The following TCTN2 variants were observed in gnomAD, a reference collection of about 807,000 sequenced individuals.
TCTN2 encodes tectonic family member 2, also known as tectonic-2.
In TCTN2, 66 loss-of-function variants were observed where a neutral mutation model predicts 83.4. The observed-to-expected ratio is 0.79, with a 90% CI of 0.65 to 0.97. The LOEUF (loss-of-function observed/expected upper bound fraction) is 0.97. Ranked by LOEUF, TCTN2 falls within the 50% of genes least tolerant of loss-of-function variation. TCTN2 has a pLI of 0.00. For synonymous variants in TCTN2, 301 were observed against 326.7 expected (o/e 0.92, Z 0.85); for missense variants, 794 against 858.1 (o/e 0.93, Z 0.93).
At chr12:123,706,252 A>C (rs948359040) in intron 15 of TCTN2, among the ~76,000 whole-genome samples, 2 of 152,204 alleles carry the variant, frequency 1.3e-5, no homozygotes, top group Non-Finnish European at 2.9e-5. Flanking sequence ...TGGCTCTGCA[A>C]GGGAAAATGG....
chr12:123,680,543 G>A (rs1161547497), intron 5 of TCTN2, among the ~76,000 whole-genome samples: 2 of 145,260 alleles, frequency 1.4e-5, no homozygotes, highest in Non-Finnish European at 3.0e-5. Flanking sequence ...TTGAGACAGA[G>A]TCTCGCTTTG....
intron 5 of TCTN2, among the ~76,000 whole-genome samples, chr12:123,684,002 AC>A: frequency 6.6e-6 from 1 of 152,248 alleles, no homozygotes; most frequent in African/African-American, 2.4e-5. Context: ...ATTTACTGGT[AC>A]CCAAGTCCCA....
chr12:123,697,665 A>AT (rs1169509703), intron 13 of TCTN2, among the ~76,000 whole-genome samples: 17 of 151,382 alleles, frequency 1.1e-4, no homozygotes, highest in East Asian at 3.9e-4. Flanking sequence ...ACGCCTGCTG[A>AT]TTTTTTTTGT....
At position 123,688,199 on chromosome 12, in the gene TCTN2, T is replaced by C. The variant is rs7302449; in HGVS notation, c.891+22T>C. 0.45 allele frequency: 711,800 copies of C among 1,590,942 alleles called. 168,201 individuals are homozygous for C. Among genetic ancestry groups the C allele is most frequent in the African/African-American group, 0.73 (53,736 of 73,870 alleles). ...GCAGGTAATCGTTGCAATATTAGTA[T>C]GCTAGACCGTTCTCTTTTTTTTTTT... is the stretch of plus-strand genomic sequence containing the variant. On this transcript the variant is annotated intron_variant, in intron 7 of 17. Transcript: ENST00000303372.
chr12:123,694,273 G>A (rs113350030), intron 9 of TCTN2, among the ~76,000 whole-genome samples: 1,691 of 152,206 alleles, frequency 0.011, 14 homozygotes, highest in South Asian at 0.031. Context: ...GATTACAGGC[G>A]TGAGCCACCG....
chr12:123,693,666 C>A (rs1347570175), intron 9 of TCTN2, among the ~76,000 whole-genome samples: 2 of 151,520 alleles, frequency 1.3e-5, no homozygotes, highest in Admixed American at 6.6e-5. Context: ...GTTGGCCAGG[C>A]TGGTTTCGAA....
intron 9 of TCTN2, 148 bp downstream of exon 9, chr12:123,692,871 G>C: frequency 2.7e-6 from 2 of 735,020 alleles, no homozygotes; most frequent in Non-Finnish European, 4.7e-6. Flanking sequence ...CATTTCATTT[G>C]TTCCTCGTTC....
chr12:123,682,846 A>G (rs1379602511), intron 5 of TCTN2, among the ~76,000 whole-genome samples: 1 of 151,418 alleles, frequency 6.6e-6, no homozygotes, highest in Non-Finnish European at 1.5e-5. Context: ...ATGAAGTCCA[A>G]TTTATCTCAT....
chr12:123,689,230 T>C (rs1956013384), intron 7 of TCTN2, among the ~76,000 whole-genome samples: 1 of 151,968 alleles, frequency 6.6e-6, no homozygotes, highest in African/African-American at 2.4e-5. Flanking sequence ...CCTGGCTAAT[T>C]TTTTGTAGAG....
chr12:123,707,892 T>C lies in TCTN2; in HGVS notation c.*179T>C. ...CGCCCGGCTAATTTTGTATTTTTAG[T>C]AGAGACAGGGTTCCACCGTATTGGC... On this transcript the variant is annotated 3_prime_UTR_variant, in exon 18 of 18. Coordinates refer to ENST00000303372, the MANE Select transcript of TCTN2 (RefSeq NM_024809.5). The C allele has an allele frequency of 1.6e-6, 1 of 625,574 alleles. No homozygotes were observed. 38.8% of individuals were successfully genotyped at this position (625,574 alleles called of 1,614,324 possible).
chr12:123,685,652 T>C (rs956569101), intron 5 of TCTN2, among the ~76,000 whole-genome samples: 1 of 151,306 alleles, frequency 6.6e-6, no homozygotes, highest in Non-Finnish European at 1.5e-5. Context: ...CTCCTGACCT[T>C]AGGTGATCCG....
chr12:123,686,842 T>G lies in TCTN2; in HGVS notation c.571T>G (p.Ser191Ala), dbSNP rs146698907. 284 of 1,614,226 alleles carry G rather than the reference T, an allele frequency of 1.8e-4. No individual in the cohort carries two copies. Among genetic ancestry groups the G allele is most frequent in the African/African-American group, 6.5e-4 (49 of 75,060 alleles). The change falls in exon 6 of 18, where the codon TCA becomes GCA. Residue 191 changes from serine (S) to alanine (A), a missense_variant. Coordinates refer to ENST00000303372, the MANE Select transcript of TCTN2 (RefSeq NM_024809.5). Reference sequence around the variant, plus strand: ...CTTTATGTTTGTCTTCCAGGAATGCTCATCAAATTTAACAACGCTGTTCAG... The same window carrying G: ...CTTTATGTTTGTCTTCCAGGAATGCGCATCAAATTTAACAACGCTGTTCAG... ...DVRCCCDQECSSNLTTLFRRS... is the reference protein window; with the variant it reads ...DVRCCCDQECASNLTTLFRRS...
At chr12:123,693,376 C>CTTTTTTTTTTTTTTTTTTTT (rs373196834) in intron 9 of TCTN2, among the ~76,000 whole-genome samples, 1 of 92,950 alleles carries the variant, frequency 1.1e-5, no homozygotes, top group African/African-American at 4.4e-5. Flanking sequence ...GCTTTCTTTC[C>CTTTTTTTTTTTTTTTTTTTT]TTTTTTTTTT....
chr12:123,691,802 G>A (rs1193354537), intron 8 of TCTN2, among the ~76,000 whole-genome samples: 1 of 151,562 alleles, frequency 6.6e-6, no homozygotes, highest in Non-Finnish European at 1.5e-5. Flanking sequence ...CGTGATCTCG[G>A]CTCGCTGCAA....
chr12:123,672,043 C>T lies in TCTN2; in HGVS notation c.191-13C>T, dbSNP rs749733338. 2 of 1,613,504 alleles carry T rather than the reference C, an allele frequency of 1.2e-6. No homozygotes were observed. Among genetic ancestry groups the T allele is most frequent in the Admixed American group, 1.7e-5 (1 of 60,002 alleles). Reference sequence around the variant, plus strand: ...GACCTTGCTGCCTTTGCATGCTGGTCTTCTTTCTTTAGGAATATTGCCAAT... The same window carrying T: ...GACCTTGCTGCCTTTGCATGCTGGTTTTCTTTCTTTAGGAATATTGCCAAT... On this transcript the variant is annotated splice_polypyrimidine_tract_variant and intron_variant, in intron 2 of 17. Transcript: ENST00000303372.
intron 14 of TCTN2, among the ~76,000 whole-genome samples, chr12:123,701,929 G>C (rs940478002): frequency 2.6e-5 from 4 of 152,142 alleles, no homozygotes; most frequent in South Asian, 2.1e-4. Context: ...AGACTTTAAA[G>C]CTTCTTCATC....
At chr12:123,684,399 CTTTTTT>C (rs528065302) in intron 5 of TCTN2, among the ~76,000 whole-genome samples, 1 of 127,806 alleles carries the variant, frequency 7.8e-6, no homozygotes, top group Non-Finnish European at 1.7e-5. Flanking sequence ...TATTGTCATT[CTTTTTT>C]TTTTTTTTTT....
intron 14 of TCTN2, among the ~76,000 whole-genome samples, chr12:123,701,535 G>A (rs112682969): frequency 6.6e-6 from 1 of 151,982 alleles, no homozygotes; most frequent in Middle Eastern, 3.4e-3. Flanking sequence ...TCAGGAGATC[G>A]AGAGCATCCT....
rs117054754 is a variant in TCTN2, at chr12:123,696,813, G to A, written c.1394-274G>A. The A allele has an allele frequency of 9.9e-3, 5,224 of 528,882 alleles. 83 individuals are homozygous for A. The highest frequency in any genetic ancestry group is 0.012 in the Non-Finnish European group (3,391 of 293,842). The allele number at this position is 528,882 out of a possible 1,614,324, so 32.8% of individuals were successfully genotyped here. A position where few individuals can be genotyped will look rare whatever the true frequency, so the allele number is the denominator to read the frequency against. The stretch of plus-strand genomic sequence containing the variant: ...TAATTGGAGACATGAAAATAACTTC[G>A]TTCTGAACTGCAGGAAATCTGTGCT... On this transcript the variant is annotated intron_variant, in intron 12 of 17. Transcript: ENST00000303372.
Sources: gnomAD v4.1 joint callset for allele counts (sites outside exome capture counted in the v4.1 genomes callset) on GRCh38, gnomAD v4.1.1 for gene constraint, MANE v1.5 for transcripts, NCBI Gene and HGNC (gene_info 2026-07-23, HGNC 2026-07-21) for gene names.